The following CACNB2 variants were observed in gnomAD, a reference collection of about 807,000 sequenced individuals.
CACNB2 encodes calcium voltage-gated channel auxiliary subunit beta 2.
Under a neutral mutation model 73.3 loss-of-function variants are expected in CACNB2, and 42 were observed. That is an observed-to-expected ratio of 0.57 (90% CI 0.45 to 0.74). CACNB2 has a LOEUF of 0.74. Among genes scored for constraint, CACNB2 ranks in the 30% least tolerant of loss-of-function variants. The pLI, the probability that CACNB2 is intolerant of heterozygous loss-of-function variation, is 0.00. For synonymous variants in CACNB2, 348 were observed against 310.3 expected, an observed-to-expected ratio of 1.12 and a Z score of -1.28; for missense variants, 940 against 853.0, an observed-to-expected ratio of 1.10 and a Z score of -1.27.
At chr10:18,247,263 C>T (rs146441288) in intron 2 of CACNB2, among the ~76,000 whole-genome samples, 1,994 of 152,312 alleles carry the variant, frequency 0.013, 18 homozygotes, top group Middle Eastern at 0.031. Context: ...CCCAGTAAAG[C>T]TGTGTGTGCT....
At chr10:18,476,200 A>T (rs2048431190) in intron 3 of CACNB2, among the ~76,000 whole-genome samples, 1 of 152,156 alleles carries the variant, frequency 6.6e-6, no homozygotes, top group South Asian at 2.1e-4. Context: ...TGGCATCTAT[A>T]AACTGTCCTG....
chr10:18,390,910 C>A (rs190166393), intron 2 of CACNB2, among the ~76,000 whole-genome samples: 1 of 152,268 alleles, frequency 6.6e-6, no homozygotes, highest in Admixed American at 6.5e-5. Flanking sequence ...CATGCCTTGC[C>A]TTTGGCTATG....
At chr10:18,301,694 G>A (rs1442428266) in intron 2 of CACNB2, among the ~76,000 whole-genome samples, 2 of 150,968 alleles carry the variant, frequency 1.3e-5, no homozygotes, top group Non-Finnish European at 2.9e-5. Flanking sequence ...TGTCACCCAG[G>A]CTGGAGTGCA....
chr10:18,317,551 C>T (rs2040238793), intron 2 of CACNB2, among the ~76,000 whole-genome samples: 2 of 152,170 alleles, frequency 1.3e-5, no homozygotes, highest in South Asian at 4.1e-4. Flanking sequence ...CATGTGGCTG[C>T]AAAGGACATG....
At chr10:18,317,746 A>G (rs1356925933) in intron 2 of CACNB2, among the ~76,000 whole-genome samples, 2 of 152,198 alleles carry the variant, frequency 1.3e-5, no homozygotes, top group Non-Finnish European at 2.9e-5. Context: ...AGGAACATCC[A>G]TTCTTTCTTG....
chr10:18,426,714 C>A lies in CACNB2; in HGVS notation c.333+24671C>A, dbSNP rs369756106. Reference sequence around the variant, plus strand: ...TAAATTAAAAAATAAAATTCTGTTTCTTCCACTCCAGTCCTTTTAACTTTT... The same window carrying A: ...TAAATTAAAAAATAAAATTCTGTTTATTCCACTCCAGTCCTTTTAACTTTT... On this transcript the variant is annotated intron_variant, in intron 3 of 13. Coordinates refer to ENST00000324631, the MANE Select transcript of CACNB2 (RefSeq NM_201596.3). 6.7e-4 allele frequency among the ~76,000 whole-genome samples: 102 copies of A among 152,234 alleles called. No homozygotes were observed. The South Asian group carries it at 0.017, about 26-fold the overall frequency.
rs565767617 is a variant in CACNB2 at position 18,176,956 on chromosome 10, T to G, written c.213+25981T>G. Among the ~76,000 whole-genome samples the G allele has an allele frequency of 6.0e-4, 91 of 151,980 alleles. 3 individuals carry two copies. The South Asian group carries it at 0.017, about 29-fold the overall frequency. On this transcript the variant is annotated intron_variant, in intron 2 of 13. Coordinates refer to ENST00000324631, the MANE Select transcript of CACNB2 (RefSeq NM_201596.3). ...GGTACAGAATTCCAGAACTTGTTAG[T>G]GATGGCAGTGAGAAAGCGTATAGAG... is the stretch of plus-strand genomic sequence containing the variant.
At chr10:18,402,158 G>A in intron 3 of CACNB2, 115 bp downstream of exon 3, 1 of 1,224,746 alleles carries the variant, frequency 8.2e-7, no homozygotes, top group Non-Finnish European at 1.2e-6. Context: ...TTCATTGTCT[G>A]GTTTTAGAAA....
intron 10 of CACNB2, among the ~76,000 whole-genome samples, chr10:18,531,126 T>C (rs1229413210): frequency 6.6e-6 from 1 of 152,228 alleles, no homozygotes; most frequent in Non-Finnish European, 1.5e-5. Flanking sequence ...CCAGGTCTTA[T>C]TAATTCCTAA....
chr10:18,481,556 T>C (rs2048779536), intron 3 of CACNB2, among the ~76,000 whole-genome samples: 1 of 151,874 alleles, frequency 6.6e-6, no homozygotes, highest in Admixed American at 6.6e-5. Flanking sequence ...CCATCATTCC[T>C]TTAACAGAGT....
At chr10:18,492,494 G>A (rs896455471) in intron 3 of CACNB2, among the ~76,000 whole-genome samples, 16 of 151,790 alleles carry the variant, frequency 1.1e-4, no homozygotes, top group South Asian at 6.2e-4. Context: ...GGTGGCATGC[G>A]CCTGTAGTCC....
intron 7 of CACNB2, among the ~76,000 whole-genome samples, chr10:18,515,724 A>G (rs931766480): frequency 5.9e-5 from 9 of 152,234 alleles, no homozygotes; most frequent in Admixed American, 4.6e-4. Context: ...TCTTCTTGTT[A>G]CAGCTAAAGC....
At chr10:18,432,610 G>C (rs745723731) in intron 3 of CACNB2, among the ~76,000 whole-genome samples, 3 of 152,188 alleles carry the variant, frequency 2.0e-5, no homozygotes, top group Non-Finnish European at 2.9e-5. Flanking sequence ...GAGGCAAGCA[G>C]ATTGCTTGAG....
At chr10:18,444,810 C>T (rs1340047696) in intron 3 of CACNB2, among the ~76,000 whole-genome samples, 4 of 152,158 alleles carry the variant, frequency 2.6e-5, no homozygotes, top group African/African-American at 9.7e-5. Context: ...GGTAAAGTAA[C>T]ACACTGGTTT....
At chr10:18,259,558 A>G (rs2037434041) in intron 2 of CACNB2, among the ~76,000 whole-genome samples, 1 of 132,268 alleles carries the variant, frequency 7.6e-6, no homozygotes, top group Non-Finnish European at 1.6e-5. Flanking sequence ...AAAAACAAAA[A>G]ACAAACAAAA....
chr10:18,410,344 C>G (rs144901742), intron 3 of CACNB2, among the ~76,000 whole-genome samples: 21 of 152,154 alleles, frequency 1.4e-4, no homozygotes, highest in African/African-American at 4.3e-4. Flanking sequence ...TGTTTTGTTC[C>G]CAGTAGTTTT....
At chr10:18,307,824 T>C (rs867259705) in intron 2 of CACNB2, among the ~76,000 whole-genome samples, 5 of 151,920 alleles carry the variant, frequency 3.3e-5, no homozygotes, top group Admixed American at 6.6e-5. Context: ...TCAATGATAA[T>C]GAAAGAAATA....
At chr10:18,535,823 T>C (rs868707660) in intron 11 of CACNB2, among the ~76,000 whole-genome samples, 2 of 152,134 alleles carry the variant, frequency 1.3e-5, no homozygotes, top group Admixed American at 1.3e-4. Context: ...TTGTGAATTT[T>C]TAAATAAATG....
intron 7 of CACNB2, among the ~76,000 whole-genome samples, chr10:18,514,822 A>G (rs532438177): frequency 6.6e-6 from 1 of 152,328 alleles, no homozygotes; most frequent in South Asian, 2.1e-4. Flanking sequence ...GTGCATGCTT[A>G]TTCTATCTCT....
Sources: gnomAD v4.1 joint callset for allele counts (sites outside exome capture counted in the v4.1 genomes callset) on GRCh38, gnomAD v4.1.1 for gene constraint, MANE v1.5 for transcripts, NCBI Gene and HGNC (gene_info 2026-07-23, HGNC 2026-07-21) for gene names.